RNLS: variants seen among roughly 807,000 people sequenced by gnomAD.
RNLS encodes renalase.
RNLS carries 39 observed loss-of-function variants against 39.8 expected under a neutral mutation model. That is an observed-to-expected ratio of 0.98 (90% CI 0.76 to 1.28). The LOEUF is 1.28. Ranked by LOEUF, RNLS falls within the 50% of genes most tolerant of loss-of-function variation. The pLI, the probability that RNLS is intolerant of heterozygous loss-of-function variation, is 0.00. For synonymous variants in RNLS, 147 were observed against 150.7 expected, an observed-to-expected ratio of 0.98 and a Z score of 0.18; for missense variants, 410 against 413.3, an observed-to-expected ratio of 0.99 and a Z score of 0.07.
At chr10:88,221,778 C>G in the RNLS span, among the ~76,000 whole-genome samples, 1 of 152,130 alleles carries the variant, frequency 6.6e-6, no homozygotes, top group East Asian at 1.9e-4. Flanking sequence ...ATTCTCCACT[C>G]CTGAGCCCAT....
At chr10:88,441,191 G>A (rs1841691031) in intron 4 of RNLS, among the ~76,000 whole-genome samples, 2 of 152,132 alleles carry the variant, frequency 1.3e-5, no homozygotes, top group South Asian at 2.1e-4. Context: ...GTGCTTTTGG[G>A]AACCCATGGC....
At chr10:88,539,587 A>G (rs1363908396) in intron 4 of RNLS, among the ~76,000 whole-genome samples, 1 of 152,110 alleles carries the variant, frequency 6.6e-6, no homozygotes, top group African/African-American at 2.4e-5. Flanking sequence ...CTATTTTTCC[A>G]CCACATATTT....
the RNLS span, among the ~76,000 whole-genome samples, chr10:88,180,486 A>G: frequency 6.6e-6 from 1 of 152,172 alleles, no homozygotes; most frequent in African/African-American, 2.4e-5. Flanking sequence ...ATCTTACAGA[A>G]ACAGTTTTTG....
intron 4 of RNLS, among the ~76,000 whole-genome samples, chr10:88,489,019 AC>A (rs1844738487): frequency 6.6e-6 from 1 of 152,200 alleles, no homozygotes; most frequent in Non-Finnish European, 1.5e-5. Context: ...GACACACTGT[AC>A]AAAGTGGTCT....
chr10:88,203,106 T>A, the RNLS span, among the ~76,000 whole-genome samples: 1 of 150,958 alleles, frequency 6.6e-6, no homozygotes, highest in African/African-American at 2.4e-5. Flanking sequence ...GACTAAATAG[T>A]TTTCCAAAAT....
intron 5 of RNLS, among the ~76,000 whole-genome samples, chr10:88,336,999 A>G (rs1832938701): frequency 6.6e-6 from 1 of 152,156 alleles, no homozygotes; most frequent in South Asian, 2.1e-4. Context: ...TTAGGCTGAC[A>G]TAGGGGTGAG....
At position 88,557,550 on chromosome 10, in the gene RNLS, G is replaced by A. The variant is rs189906908; in HGVS notation, c.526+15353C>T. On this transcript the variant is annotated intron_variant, in intron 4 of 6. Coordinates refer to ENST00000331772, the MANE Select transcript of RNLS (RefSeq NM_001031709.3). The stretch of plus-strand genomic sequence containing the variant: ...AACTACTTATATAAGATACATTTGT[G>A]AAGAAAAAAAACAAATTTGGACTAA... Among the ~76,000 whole-genome samples the A allele has an allele frequency of 1.4e-3, 215 of 152,002 alleles. 1 individual carries two copies. The highest frequency in any genetic ancestry group is 3.6e-3 in the Admixed American group (55 of 15,248).
At chr10:88,480,924 A>G (rs1295339455) in intron 4 of RNLS, among the ~76,000 whole-genome samples, 1 of 151,948 alleles carries the variant, frequency 6.6e-6, no homozygotes, top group East Asian at 1.9e-4. Flanking sequence ...AGTTGACTGA[A>G]ATTAATCAAT....
the RNLS span, among the ~76,000 whole-genome samples, chr10:88,255,779 A>AT: frequency 6.6e-6 from 1 of 152,206 alleles, no homozygotes; most frequent in African/African-American, 2.4e-5. Flanking sequence ...TTCCTAGCCA[A>AT]TCATCCAGGG....
At chr10:88,297,194 G>A (rs1844153385) in intron 6 of RNLS, among the ~76,000 whole-genome samples, 1 of 152,118 alleles carries the variant, frequency 6.6e-6, no homozygotes, top group Non-Finnish European at 1.5e-5. Context: ...GTAAGTGCAT[G>A]TTTAACTTTG....
the RNLS span, among the ~76,000 whole-genome samples, chr10:88,232,043 T>C: frequency 6.6e-6 from 1 of 152,136 alleles, no homozygotes; most frequent in African/African-American, 2.4e-5. Flanking sequence ...GTGAGATGTC[T>C]GTGGTGGTTC....
the RNLS span, among the ~76,000 whole-genome samples, chr10:88,203,203 T>C: frequency 0.016 from 2,295 of 139,576 alleles, 38 homozygotes; most frequent in Middle Eastern, 0.039. Context: ...AACTCCAAGA[T>C]GAATAGAAGG....
At chr10:88,495,802 C>T (rs1252617099) in intron 4 of RNLS, among the ~76,000 whole-genome samples, 1 of 151,972 alleles carries the variant, frequency 6.6e-6, no homozygotes, top group Non-Finnish European at 1.5e-5. Flanking sequence ...TGGTTAAAGG[C>T]AGTATGACTG....
intron 4 of RNLS, among the ~76,000 whole-genome samples, chr10:88,487,308 T>C (rs1358084199): frequency 6.6e-6 from 1 of 151,542 alleles, no homozygotes; most frequent in African/African-American, 2.4e-5. Flanking sequence ...CCATGACACA[T>C]GCACCCCTGA....
chr10:88,505,401 T>C (rs1242072281), intron 4 of RNLS, among the ~76,000 whole-genome samples: 3 of 42,984 alleles, frequency 7.0e-5, no homozygotes, highest in Admixed American at 3.0e-4. Context: ...GACACTCTGT[T>C]TGTGAGTGTG....
In RNLS at chr10:88,507,653, C is replaced by G. The variant is rs188704969; in HGVS notation, c.526+65250G>C. Among the ~76,000 whole-genome samples the G allele has an allele frequency of 4.6e-5, 7 of 152,254 alleles. No individual in the cohort carries two copies. In the East Asian group the frequency reaches 1.4e-3, roughly 29 times the overall value. ...GGGCAAAATTCACAAAGGATTACCA[C>G]TATCAGGTTTTTTAAAAGAGATACA... On this transcript the variant is annotated intron_variant, in intron 4 of 6. Coordinates refer to ENST00000331772, the MANE Select transcript of RNLS (RefSeq NM_001031709.3).
chr10:88,210,866 G>T, the RNLS span, among the ~76,000 whole-genome samples: 1 of 152,130 alleles, frequency 6.6e-6, no homozygotes, highest in Non-Finnish European at 1.5e-5. Context: ...TTTTAAGTGT[G>T]AGTGTGTCTG....
chr10:88,505,720 C>T (rs892553812), intron 4 of RNLS, among the ~76,000 whole-genome samples: 13 of 152,050 alleles, frequency 8.5e-5, no homozygotes, highest in Non-Finnish European at 1.8e-4. Flanking sequence ...ACAGATAACT[C>T]ATTAATTACA....
At chr10:88,259,934 G>A in the RNLS span, among the ~76,000 whole-genome samples, 1 of 152,086 alleles carries the variant, frequency 6.6e-6, no homozygotes, top group Admixed American at 6.5e-5. Flanking sequence ...TAGAGACGGG[G>A]TTTCACCATG....
Sources: allele counts gnomAD v4.1 joint callset (sites outside exome capture counted in the v4.1 genomes callset), GRCh38; gene constraint gnomAD v4.1.1; transcripts MANE v1.5; gene names NCBI Gene and HGNC (gene_info 2026-07-23, HGNC 2026-07-21).